Variants in GPR158 observed in about 807,000 individuals in gnomAD.
The protein encoded by GPR158 is metabotropic glycine receptor.
A neutral mutation model predicts 78.2 loss-of-function variants in GPR158; 30 were observed. That is an observed-to-expected ratio of 0.38 (90% CI 0.29 to 0.52). The LOEUF (loss-of-function observed/expected upper bound fraction) is 0.52, where lower values mean the gene tolerates loss of function less well. Ranked by LOEUF, GPR158 falls within the 20% of genes least tolerant of loss-of-function variation. The probability of loss-of-function intolerance (pLI) is 0.83; values close to 1 mark genes in which losing one functional copy is unlikely to be tolerated. For missense variants in GPR158, 1,463 were observed against 1,523.5 expected (o/e 0.96, Z 0.66); for synonymous variants, 581 against 591.1 (o/e 0.98, Z 0.25).
At chr10:25,193,426 G>C (rs1041275587) in intron 1 of GPR158, among the ~76,000 whole-genome samples, 2 of 152,166 alleles carry the variant, frequency 1.3e-5, no homozygotes, top group Admixed American at 1.3e-4. Context: ...CAGAGAGGAA[G>C]CCACAAGAAC....
intron 2 of GPR158, among the ~76,000 whole-genome samples, chr10:25,346,964 C>G (rs1259771706): frequency 6.6e-6 from 1 of 151,864 alleles, no homozygotes; most frequent in Admixed American, 6.6e-5. Flanking sequence ...TGTTACTTTA[C>G]CTCCATGAGT....
At chr10:25,347,320 C>T (rs1386027777) in intron 2 of GPR158, among the ~76,000 whole-genome samples, 1 of 151,948 alleles carries the variant, frequency 6.6e-6, no homozygotes, top group Non-Finnish European at 1.5e-5. Context: ...TCTTTCTGAC[C>T]ACAGTCACAA....
chr10:25,253,570 A>T (rs1853845804), intron 2 of GPR158, among the ~76,000 whole-genome samples: 1 of 152,208 alleles, frequency 6.6e-6, no homozygotes, highest in Non-Finnish European at 1.5e-5. Context: ...TCTTTGACAC[A>T]GGCAGAATAT....
rs188397697 is a variant in GPR158, at chr10:25,448,292, G to A, written c.1336-18359G>A. 5.7e-4 allele frequency among the ~76,000 whole-genome samples: 87 copies of A among 151,618 alleles called. No homozygotes were observed. The East Asian group carries it at 8.2e-3, about 14-fold the overall frequency. On this transcript the variant is annotated intron_variant, in intron 4 of 10. Coordinates refer to ENST00000376351, the MANE Select transcript of GPR158 (RefSeq NM_020752.3). ...TTTTTAGTAGAGACGGGGTTTCACC[G>A]TGTTAGCCAGGATGGTCTCGATCTT...
chr10:25,581,206 G>T (rs1837193524), intron 7 of GPR158, among the ~76,000 whole-genome samples: 1 of 152,076 alleles, frequency 6.6e-6, no homozygotes, highest in African/African-American at 2.4e-5. Context: ...GGGATTACAG[G>T]CTTGAGCCAC....
intron 1 of GPR158, among the ~76,000 whole-genome samples, chr10:25,180,726 G>A (rs1462155531): frequency 6.6e-6 from 1 of 151,948 alleles, no homozygotes; most frequent in African/African-American, 2.4e-5. Flanking sequence ...CTTCTTAATT[G>A]GCCTATCCAC....
intron 6 of GPR158, among the ~76,000 whole-genome samples, chr10:25,555,435 C>A (rs572029052): frequency 9.9e-5 from 15 of 152,246 alleles, no homozygotes; most frequent in Admixed American, 9.8e-4. Flanking sequence ...CCTTCAGGAA[C>A]CTTGGATGTG....
At chr10:25,372,432 A>G (rs1834009576) in intron 2 of GPR158, among the ~76,000 whole-genome samples, 1 of 145,674 alleles carries the variant, frequency 6.9e-6, no homozygotes, top group Non-Finnish European at 1.5e-5. Flanking sequence ...GGCATTATTC[A>G]CAATAACAAA....
chr10:25,244,088 A>G (rs1236358484), intron 2 of GPR158: 2 of 152,014 alleles, frequency 1.3e-5, no homozygotes, highest in Non-Finnish European at 2.9e-5. Flanking sequence ...TTAGAACAAG[A>G]GTCATCTTTT....
At chr10:25,455,175 G>T (rs114404090) in intron 4 of GPR158, among the ~76,000 whole-genome samples, 1 of 152,116 alleles carries the variant, frequency 6.6e-6, no homozygotes, top group Admixed American at 6.5e-5. Flanking sequence ...TGAGTTTGAG[G>T]TGCCTCTGTA....
chr10:25,365,019 ATGTTTTCCTAAAG>A (rs1232073841), intron 2 of GPR158, among the ~76,000 whole-genome samples: 1 of 151,804 alleles, frequency 6.6e-6, no homozygotes, highest in African/African-American at 2.4e-5. Context: ...ATGTAAAACT[ATGTTTTCCTAAAG>A]TACTTGAAAA....
At chr10:25,527,519 A>T (rs1027313090) in intron 5 of GPR158, among the ~76,000 whole-genome samples, 10 of 152,184 alleles carry the variant, frequency 6.6e-5, no homozygotes, top group Non-Finnish European at 1.5e-4. Flanking sequence ...GGAAATTAGA[A>T]ATATTTCAAA....
At chr10:25,474,315 G>A (rs1297860943) in intron 5 of GPR158, among the ~76,000 whole-genome samples, 2 of 151,992 alleles carry the variant, frequency 1.3e-5, no homozygotes. Flanking sequence ...CTAAGTTTAC[G>A]ACACTATTTA....
chr10:25,316,678 T>C (rs966541799), intron 2 of GPR158, among the ~76,000 whole-genome samples: 1 of 152,208 alleles, frequency 6.6e-6, no homozygotes, highest in Non-Finnish European at 1.5e-5. Context: ...CTGTGAAATA[T>C]TTTGAACAAG....
At chr10:25,421,696 A>G (rs1014704232) in intron 4 of GPR158, among the ~76,000 whole-genome samples, 3 of 152,180 alleles carry the variant, frequency 2.0e-5, no homozygotes, top group African/African-American at 7.2e-5. Flanking sequence ...CTTTAATTCT[A>G]TTGAACTAAT....
chr10:25,475,166 T>C (rs1212156551), intron 5 of GPR158, among the ~76,000 whole-genome samples: 2 of 152,070 alleles, frequency 1.3e-5, no homozygotes, highest in Non-Finnish European at 2.9e-5. Flanking sequence ...TTAAAAGATA[T>C]CTGATTGACC....
At chr10:25,589,913 T>C (rs983992778) in intron 8 of GPR158, among the ~76,000 whole-genome samples, 1 of 152,346 alleles carries the variant, frequency 6.6e-6, no homozygotes, top group Admixed American at 6.5e-5. Flanking sequence ...CAAAAAGATG[T>C]CATTCAATTG....
chr10:25,444,886 C>G (rs1412413399), intron 4 of GPR158, among the ~76,000 whole-genome samples: 1 of 152,104 alleles, frequency 6.6e-6, no homozygotes, highest in Non-Finnish European at 1.5e-5. Flanking sequence ...CTGAAAAGCT[C>G]CAGATCATGA....
At chr10:25,240,776 C>T (rs1853593167) in intron 2 of GPR158, among the ~76,000 whole-genome samples, 1 of 152,118 alleles carries the variant, frequency 6.6e-6, no homozygotes, top group East Asian at 1.9e-4. Context: ...AATAATTGAT[C>T]AATCAGTAAA....
Sources: allele counts gnomAD v4.1 joint callset (sites outside exome capture counted in the v4.1 genomes callset), GRCh38; gene constraint gnomAD v4.1.1; transcripts MANE v1.5; gene names NCBI Gene and HGNC (gene_info 2026-07-23, HGNC 2026-07-21).